ACYP2: variants seen among roughly 807,000 people sequenced by gnomAD.
ACYP2 encodes the protein acylphosphatase-2.
Under a neutral mutation model 11.2 loss-of-function variants are expected in ACYP2, and 12 were observed. The observed-to-expected ratio is 1.08, with a 90% CI of 0.69 to 1.74. The LOEUF (loss-of-function observed/expected upper bound fraction) is 1.74. ACYP2 is among the 40% of genes most tolerant of loss of function. The probability of loss-of-function intolerance (pLI) is 0.00; values close to 1 mark genes in which losing one functional copy is unlikely to be tolerated. For missense variants in ACYP2, 134 were observed against 101.9 expected (o/e 1.31, Z -1.35); for synonymous variants, 43 against 32.2 (o/e 1.33, Z -1.13).
intron 6 of ACYP2, among the ~76,000 whole-genome samples, chr2:54,209,419 T>G (rs767553367): frequency 1.3e-5 from 2 of 152,190 alleles, no homozygotes; most frequent in Non-Finnish European, 2.9e-5. Flanking sequence ...TCCAAGAATT[T>G]TGACACTTAA....
At chr2:54,273,930 G>T (rs1248400402) in intron 6 of ACYP2, among the ~76,000 whole-genome samples, 1 of 152,184 alleles carries the variant, frequency 6.6e-6, no homozygotes, top group Non-Finnish European at 1.5e-5. Context: ...CCATGAACAA[G>T]TGTCTCGTTT....
At chr2:54,028,936 A>G (rs1169189840) in intron 2 of ACYP2, among the ~76,000 whole-genome samples, 1 of 152,128 alleles carries the variant, frequency 6.6e-6, no homozygotes, top group Non-Finnish European at 1.5e-5. Flanking sequence ...TGGCTGGAGG[A>G]TCATTGAGCT....
At chr2:54,204,738 C>G (rs1245655289) in intron 6 of ACYP2, among the ~76,000 whole-genome samples, 1 of 152,104 alleles carries the variant, frequency 6.6e-6, no homozygotes, top group East Asian at 1.9e-4. Context: ...CAGGGTTTTC[C>G]TATTTGATTA....
chr2:54,145,108 C>T (rs1490316528), intron 6 of ACYP2, among the ~76,000 whole-genome samples: 1 of 152,210 alleles, frequency 6.6e-6, no homozygotes, highest in East Asian at 1.9e-4. Context: ...TGAACTAATA[C>T]TGTAACTAAT....
chr2:53,991,145 T>G (rs1672271838), intron 2 of ACYP2, among the ~76,000 whole-genome samples: 1 of 152,186 alleles, frequency 6.6e-6, no homozygotes, highest in African/African-American at 2.4e-5. Flanking sequence ...TGGTCAAGTG[T>G]TCAAAGGTAT....
intron 4 of ACYP2, among the ~76,000 whole-genome samples, chr2:54,061,044 A>G (rs954432051): frequency 1.3e-5 from 2 of 152,118 alleles, no homozygotes; most frequent in African/African-American, 4.8e-5. Flanking sequence ...TCATAGAGGC[A>G]TGGTCTCCCT....
intron 2 of ACYP2, among the ~76,000 whole-genome samples, chr2:54,044,452 A>T (rs1675408960): frequency 6.6e-6 from 1 of 151,904 alleles, no homozygotes; most frequent in African/African-American, 2.4e-5. Flanking sequence ...AAAAGAAAAA[A>T]AAAAAAAGCC....
chr2:54,120,985 G>C (rs1680120121), intron 4 of ACYP2, among the ~76,000 whole-genome samples: 1 of 152,154 alleles, frequency 6.6e-6, no homozygotes, highest in Admixed American at 6.5e-5. Context: ...GGGTCCTGCT[G>C]CCTGCAGCTC....
At chr2:54,258,721 T>C (rs73934420) in intron 6 of ACYP2, among the ~76,000 whole-genome samples, 4 of 152,118 alleles carry the variant, frequency 2.6e-5, no homozygotes, top group Non-Finnish European at 5.9e-5. Flanking sequence ...ATGGTGGACA[T>C]AGTATGATGG....
chr2:54,184,706 A>C (rs925061043), intron 6 of ACYP2, among the ~76,000 whole-genome samples: 3 of 152,348 alleles, frequency 2.0e-5, no homozygotes, highest in African/African-American at 7.2e-5. Context: ...ATGGGAAGAC[A>C]ATTTACTAGC....
At chr2:53,995,099 G>A (rs113783246) in intron 2 of ACYP2, among the ~76,000 whole-genome samples, 6 of 152,110 alleles carry the variant, frequency 3.9e-5, no homozygotes, top group Non-Finnish European at 5.9e-5. Context: ...TCTGAAGGTC[G>A]TATCTTTAGT....
intron 4 of ACYP2, among the ~76,000 whole-genome samples, chr2:54,076,570 T>C (rs751063619): frequency 6.6e-6 from 1 of 152,212 alleles, no homozygotes; most frequent in Non-Finnish European, 1.5e-5. Context: ...TATAAAAATA[T>C]TAACTAGTCT....
intron 3 of ACYP2, among the ~76,000 whole-genome samples, chr2:54,051,990 T>C (rs1274879997): frequency 6.6e-6 from 1 of 151,870 alleles, no homozygotes; most frequent in African/African-American, 2.4e-5. Flanking sequence ...GAGGTTGCAA[T>C]GAGCCAAGAT....
At chr2:54,211,979 T>C (rs1397395975) in intron 6 of ACYP2, among the ~76,000 whole-genome samples, 2 of 152,194 alleles carry the variant, frequency 1.3e-5, no homozygotes, top group East Asian at 1.9e-4. Flanking sequence ...AACCAGGGGC[T>C]GATTGTAAGC....
chr2:54,018,900 A>G (rs1673838995), intron 2 of ACYP2, among the ~76,000 whole-genome samples: 1 of 151,904 alleles, frequency 6.6e-6, no homozygotes, highest in African/African-American at 2.4e-5. Context: ...GGTGTGCACC[A>G]CCACACCTGG....
intron 6 of ACYP2, among the ~76,000 whole-genome samples, chr2:54,278,396 A>G (rs1051258659): frequency 1.3e-5 from 2 of 152,248 alleles, no homozygotes; most frequent in Admixed American, 6.5e-5. Context: ...CCAGGGTTAC[A>G]TCTTTTAGCA....
chr2:54,004,177 G>T (rs896564710), intron 2 of ACYP2, among the ~76,000 whole-genome samples: 2 of 151,886 alleles, frequency 1.3e-5, no homozygotes, highest in African/African-American at 4.8e-5. Flanking sequence ...AATGGAGATG[G>T]GCTTTCACCA....
chr2:54,015,159 G>T (rs1325143651), intron 2 of ACYP2, among the ~76,000 whole-genome samples: 1 of 151,960 alleles, frequency 6.6e-6, no homozygotes, highest in African/African-American at 2.4e-5. Flanking sequence ...TTGAGGTCAG[G>T]TATTTGAGAT....
At chr2:54,266,961 A>G (rs1417930743) in intron 6 of ACYP2, among the ~76,000 whole-genome samples, 2 of 152,134 alleles carry the variant, frequency 1.3e-5, no homozygotes, top group Non-Finnish European at 2.9e-5. Context: ...GGCGAGGCGA[A>G]GAAATGAACC....
Sources: allele counts gnomAD v4.1 joint callset (sites outside exome capture counted in the v4.1 genomes callset), GRCh38; gene constraint gnomAD v4.1.1; transcripts MANE v1.5; gene names NCBI Gene and HGNC (gene_info 2026-07-23, HGNC 2026-07-21).